Variants in PNOC observed in about 807,000 individuals in gnomAD.
PNOC encodes the protein nociceptin.
In PNOC, 10 loss-of-function variants were observed where a neutral mutation model predicts 15.6. The ratio of observed to expected loss-of-function variants is 0.64; its 90% CI spans 0.40 to 1.09. The LOEUF (loss-of-function observed/expected upper bound fraction) is 1.09, where lower values mean the gene tolerates loss of function less well. Among genes scored for constraint, PNOC ranks in the 50% least tolerant of loss-of-function variants. The pLI is 0.01. For missense variants in PNOC, 220 were observed against 223.9 expected, an observed-to-expected ratio of 0.98 and a Z score of 0.11; for synonymous variants, 98 against 88.5, an observed-to-expected ratio of 1.11 and a Z score of -0.60.
At chr8:28,320,416 A>C (rs1801131053) in intron 1 of PNOC, among the ~76,000 whole-genome samples, 1 of 151,200 alleles carries the variant, frequency 6.6e-6, no homozygotes, top group South Asian at 2.1e-4. Flanking sequence ...CTTCCTCCAA[A>C]CTCACAATGG....
chr8:28,322,702 G>A lies in PNOC; in HGVS notation c.-24+5386G>A, dbSNP rs539471961. ...CTATGAAATGCAAATAGATTCCACC[G>A]CAATGAGATGCCATCAGAATCTGGC... On this transcript the variant is annotated intron_variant, in intron 1 of 3. Coordinates refer to ENST00000301908, the MANE Select transcript of PNOC (RefSeq NM_006228.5). 3.3e-4 allele frequency among the ~76,000 whole-genome samples: 51 copies of A among 152,264 alleles called. 1 individual carries two copies. The Middle Eastern group carries it at 0.01, about 30-fold the overall frequency.
At chr8:28,331,184 A>G (rs1801324642) in intron 2 of PNOC, among the ~76,000 whole-genome samples, 2 of 152,170 alleles carry the variant, frequency 1.3e-5, no homozygotes, top group South Asian at 4.2e-4. Context: ...CAGTTAACCA[A>G]TTCACTTACT....
chr8:28,318,075 C>G (rs1236062289), intron 1 of PNOC, among the ~76,000 whole-genome samples: 1 of 152,060 alleles, frequency 6.6e-6, no homozygotes, highest in African/African-American at 2.4e-5. Context: ...AGGTCTTTGC[C>G]CAGGTCATGC....
intron 1 of PNOC, among the ~76,000 whole-genome samples, chr8:28,325,210 T>C (rs1430444943): frequency 6.6e-6 from 1 of 152,146 alleles, no homozygotes; most frequent in Non-Finnish European, 1.5e-5. Flanking sequence ...TGATGTGCTC[T>C]TCCAGATGCC....
rs1051267825 is a variant in PNOC at position 28,328,215 on chromosome 8, G to A, written c.-23-920G>A. Among the ~76,000 whole-genome samples the A allele has an allele frequency of 4.0e-5, 6 of 151,650 alleles. 1 individual carries two copies. The South Asian group carries it at 1.3e-3, about 32-fold the overall frequency. On this transcript the variant is annotated intron_variant, in intron 1 of 3. Coordinates refer to ENST00000301908, the MANE Select transcript of PNOC (RefSeq NM_006228.5). The stretch of plus-strand genomic sequence containing the variant: ...CCCAAGTAGCTAGGATTACAAGTGT[G>A]TACCACCACACCCGGATATATATAT...
At chr8:28,321,330 TA>T (rs1198353773) in intron 1 of PNOC, among the ~76,000 whole-genome samples, 1 of 150,812 alleles carries the variant, frequency 6.6e-6, no homozygotes, top group Admixed American at 6.7e-5. Context: ...TACACCCAGC[TA>T]AAAGTAAATA....
chr8:28,328,005 A>C (rs1438225272), intron 1 of PNOC, among the ~76,000 whole-genome samples: 1 of 150,944 alleles, frequency 6.6e-6, no homozygotes, highest in Non-Finnish European at 1.5e-5. Flanking sequence ...TCCCATTCAT[A>C]AGGGCTCTAG....
In PNOC at chr8:28,339,315, C is replaced by A. The variant is rs189594057; in HGVS notation, c.402C>A (p.Thr134=). The A allele has an allele frequency of 6.2e-7, 1 of 1,611,820 alleles. No individual in the cohort carries two copies. Among genetic ancestry groups the A allele is most frequent in the Non-Finnish European group, 8.5e-7 (1 of 1,178,326 alleles). The change falls in exon 3 of 4, where the codon ACC becomes ACA. Residue 134 remains threonine (T), a synonymous_variant. Transcript: ENST00000301908. The part of the protein sequence containing the change: ...KQLQKRFGGF[T]GARKSARKLA... ...TGCAGAAGAGATTTGGGGGCTTCAC[C>A]GGGGCCCGGAAGTCGGCCAGGAAGT...
chr8:28,320,121 T>TC (rs1801126065), intron 1 of PNOC, among the ~76,000 whole-genome samples: 1 of 127,598 alleles, frequency 7.8e-6, no homozygotes, highest in Non-Finnish European at 1.6e-5. Flanking sequence ...TTTTTTTTTT[T>TC]CAAAATACTG....
rs1343556256 is a variant in PNOC, at chr8:28,329,119, T to G, written c.-23-16T>G. ...AGAATGGCTGTACTCATTGCCATGC[T>G]TCCTGTATGTTCCAGCACCTGCTTC... On this transcript the variant is annotated splice_polypyrimidine_tract_variant and intron_variant, in intron 1 of 3. Coordinates refer to ENST00000301908, the MANE Select transcript of PNOC (RefSeq NM_006228.5). 1.2e-6 allele frequency: 2 copies of G among 1,611,042 alleles called. No individual in the cohort carries two copies. Among genetic ancestry groups the G allele is most frequent in the East Asian group, 4.5e-5 (2 of 44,880 alleles).
chr8:28,340,134 G>A (rs541541931), intron 3 of PNOC: 9 of 152,296 alleles, frequency 5.9e-5, no homozygotes, highest in South Asian at 4.2e-4. Context: ...TGTGGTCAAC[G>A]GTATCATTAC....
intron 2 of PNOC, among the ~76,000 whole-genome samples, chr8:28,329,623 G>A (rs1801289218): frequency 6.6e-6 from 1 of 152,178 alleles, no homozygotes; most frequent in South Asian, 2.1e-4. Flanking sequence ...ACCAGTCAGA[G>A]AAAGAATCCT....
intron 3 of PNOC, among the ~76,000 whole-genome samples, chr8:28,340,698 C>T (rs143783194): frequency 6.6e-5 from 10 of 152,316 alleles, no homozygotes; most frequent in African/African-American, 2.4e-4. Context: ...GCATGGCACC[C>T]GCATCTGCTT....
intron 1 of PNOC, among the ~76,000 whole-genome samples, chr8:28,321,710 C>T (rs1801155153): frequency 6.6e-6 from 1 of 152,170 alleles, no homozygotes; most frequent in Non-Finnish European, 1.5e-5. Context: ...AACGACAGAG[C>T]CAGACTAGAA....
Position 28,317,287 on chromosome 8 carries a change from C to T in PNOC, c.-53C>T, listed in dbSNP as rs1289066380. 6.6e-6 allele frequency: 1 copy of T among 152,418 alleles called. No individual in the cohort carries two copies. The highest frequency in any genetic ancestry group is 1.5e-5 in the Non-Finnish European group (1 of 68,314). 9.4% of individuals were successfully genotyped at this position (152,418 alleles called of 1,614,324 possible). ...AAGCGGAACCGAGCCTCGCATCCAT[C>T]GGAGGGAGCCGGGGACTGACAGCTC... On this transcript the variant is annotated 5_prime_UTR_variant, in exon 1 of 4. Coordinates refer to ENST00000301908, the MANE Select transcript of PNOC (RefSeq NM_006228.5).
At chr8:28,341,524 C>T (rs910014636) in intron 3 of PNOC, among the ~76,000 whole-genome samples, 4 of 152,294 alleles carry the variant, frequency 2.6e-5, no homozygotes, top group East Asian at 1.9e-4. Context: ...TAATTCTGAA[C>T]GATGGCAATG....
At chr8:28,318,005 A>G (rs1227350481) in intron 1 of PNOC, among the ~76,000 whole-genome samples, 1 of 152,102 alleles carries the variant, frequency 6.6e-6, no homozygotes, top group Non-Finnish European at 1.5e-5. Flanking sequence ...AACCCGATTC[A>G]TTTAGAGGGC....
At chr8:28,330,399 T>TTATTTTATTTTATTTTA (rs796269575) in intron 2 of PNOC, among the ~76,000 whole-genome samples, 2 of 104,102 alleles carry the variant, frequency 1.9e-5, no homozygotes, top group African/African-American at 6.8e-5. Context: ...TTATTTTATT[T>TTATTTTATTTTATTTTA]TTTTTTTTTT....
intron 1 of PNOC, 71 bp from the exon 2 acceptor site, chr8:28,329,064 G>A (rs772214951): frequency 4.0e-5 from 58 of 1,464,370 alleles, no homozygotes; most frequent in Non-Finnish European, 5.2e-5. Context: ...CATTCTCTGG[G>A]TTAGGTCTCT....
Sources: allele counts gnomAD v4.1 joint callset (sites outside exome capture counted in the v4.1 genomes callset), GRCh38; gene constraint gnomAD v4.1.1; transcripts MANE v1.5; gene names NCBI Gene and HGNC (gene_info 2026-07-23, HGNC 2026-07-21).